Variants in MED12L observed in about 807,000 individuals in gnomAD.
MED12L encodes mediator of RNA polymerase II transcription subunit 12-like protein.
MED12L carries 60 observed loss-of-function variants against 281.3 expected under a neutral mutation model. That is an observed-to-expected ratio of 0.21 (90% confidence interval 0.17 to 0.26). MED12L has a LOEUF of 0.26. MED12L is among the 10% of genes least tolerant of loss of function. The probability of loss-of-function intolerance (pLI) is 1.00; values close to 1 mark genes in which losing one functional copy is unlikely to be tolerated. For missense variants in MED12L, 2,146 were observed against 2,680.9 expected (o/e 0.80, Z 4.41); for synonymous variants, 974 against 987.2 (o/e 0.99, Z 0.25).
intron 5 of MED12L, among the ~76,000 whole-genome samples, chr3:151,148,321 G>A (rs1718005105): frequency 6.6e-6 from 1 of 152,152 alleles, no homozygotes; most frequent in African/African-American, 2.4e-5. Flanking sequence ...TGTTAATTGT[G>A]TCTTTGATCA....
chr3:151,200,022 G>A (rs1002826513), intron 16 of MED12L, among the ~76,000 whole-genome samples: 3 of 152,126 alleles, frequency 2.0e-5, no homozygotes, highest in African/African-American at 7.2e-5. Context: ...GAACATGGAT[G>A]TATGTTCATT....
intron 42 of MED12L, among the ~76,000 whole-genome samples, chr3:151,414,405 C>T (rs1577595459): frequency 6.6e-6 from 1 of 152,196 alleles, no homozygotes; most frequent in Admixed American, 6.5e-5. Flanking sequence ...GGGCTGTACT[C>T]TCAACTCGGT....
At chr3:151,351,289 C>T (rs564449575) in intron 17 of MED12L, among the ~76,000 whole-genome samples, 286 of 152,302 alleles carry the variant, frequency 1.9e-3, no homozygotes, top group African/African-American at 6.3e-3. Flanking sequence ...GTACAAGAGG[C>T]AGTGTGTTTC....
intron 16 of MED12L, among the ~76,000 whole-genome samples, chr3:151,239,722 T>C (rs1036094947): frequency 2.0e-5 from 3 of 152,208 alleles, no homozygotes; most frequent in African/African-American, 7.2e-5. Context: ...TTGAGAATTC[T>C]TGGCTAAAAT....
Position 151,119,818 on chromosome 3 carries a change from T to C in MED12L, c.205-2965T>C, listed in dbSNP as rs372282234. Among the ~76,000 whole-genome samples the C allele has an allele frequency of 1.6e-3, 245 of 152,326 alleles. 1 individual carries two copies. Among genetic ancestry groups the C allele is most frequent in the African/African-American group, 5.3e-3 (221 of 41,570 alleles). ...TGAGGGGAATTTGATTTTATAAATA[T>C]GAAATACATGAATTATAATGTAACT... On this transcript the variant is annotated intron_variant, in intron 3 of 44. Transcript: ENST00000687756.
chr3:151,188,141 T>G, intron 12 of MED12L: 1 of 341,346 alleles, frequency 2.9e-6, no homozygotes, highest in Non-Finnish European at 5.3e-6. Context: ...TCTCGTCTGA[T>G]CTCGGAAGCT....
chr3:151,191,697 G>A (rs1217721660), intron 14 of MED12L, among the ~76,000 whole-genome samples: 4 of 152,134 alleles, frequency 2.6e-5, no homozygotes, highest in Non-Finnish European at 5.9e-5. Context: ...ACCCGAAGTT[G>A]GGAGTTTGAG....
intron 21 of MED12L, among the ~76,000 whole-genome samples, chr3:151,364,173 A>G (rs1398785963): frequency 6.6e-6 from 1 of 152,174 alleles, no homozygotes; most frequent in African/African-American, 2.4e-5. Context: ...AAGTTTATAT[A>G]GAATCTGAGA....
chr3:151,117,965 C>A (rs1713103972), intron 3 of MED12L, among the ~76,000 whole-genome samples: 1 of 151,648 alleles, frequency 6.6e-6, no homozygotes. Context: ...GTGGTGGGCG[C>A]CTGTAATCCC....
intron 16 of MED12L, among the ~76,000 whole-genome samples, chr3:151,196,965 A>G (rs1486501770): frequency 6.6e-6 from 1 of 152,160 alleles, no homozygotes; most frequent in African/African-American, 2.4e-5. Flanking sequence ...AGCGGTTTTT[A>G]TATGGGCTTA....
At chr3:151,272,972 T>A (rs918736713) in intron 16 of MED12L, among the ~76,000 whole-genome samples, 1 of 152,190 alleles carries the variant, frequency 6.6e-6, no homozygotes, top group East Asian at 1.9e-4. Flanking sequence ...CCGAAACTTT[T>A]TGAGGGCTGA....
chr3:151,258,504 A>G (rs1738249227), intron 16 of MED12L, among the ~76,000 whole-genome samples: 1 of 152,116 alleles, frequency 6.6e-6, no homozygotes, highest in Admixed American at 6.5e-5. Flanking sequence ...AACAATGAGA[A>G]TTTTCACATT....
intron 43 of MED12L, among the ~76,000 whole-genome samples, chr3:151,420,016 C>T (rs1260456654): frequency 6.6e-6 from 1 of 152,154 alleles, no homozygotes; most frequent in African/African-American, 2.4e-5. Flanking sequence ...TTCTGTATTC[C>T]CTTCACCTTC....
In MED12L at chr3:151,434,376, GCA is replaced by G. The variant is rs1215369394; in HGVS notation, c.*1573_*1574del. 1 of 152,108 alleles carries G rather than the reference GCA, an allele frequency of 6.6e-6. No individual in the cohort carries two copies. Among genetic ancestry groups the G allele is most frequent in the Non-Finnish European group, 1.5e-5 (1 of 68,030 alleles). The allele number at this position is 152,108 out of a possible 1,614,324, so 9.4% of individuals were successfully genotyped here. A position where few individuals can be genotyped will look rare whatever the true frequency, so the allele number is the denominator to read the frequency against. On this transcript the variant is annotated 3_prime_UTR_variant, in exon 45 of 45. Transcript: ENST00000687756. ...ATACATGTCAGCTTACTTTGCTGTG[GCA>G]ACATCCATGTGAACTGCTTTGTACA...
chr3:151,357,150 A>T (rs1754034460), intron 19 of MED12L, 63 bp from the exon 20 acceptor site: 1 of 1,378,116 alleles, frequency 7.3e-7, no homozygotes, highest in East Asian at 2.4e-5. Context: ...GTTTATAAAA[A>T]TAAATGTTTT....
At chr3:151,328,213 A>C in intron 16 of MED12L, 1 of 1,613,266 alleles carries the variant, frequency 6.2e-7, no homozygotes, top group Non-Finnish European at 8.5e-7. Flanking sequence ...TGTTGGTTTG[A>C]CTGTGAGTAT....
At chr3:151,145,120 A>G (rs543317356) in intron 5 of MED12L, among the ~76,000 whole-genome samples, 25 of 152,210 alleles carry the variant, frequency 1.6e-4, no homozygotes, top group Non-Finnish European at 3.2e-4. Flanking sequence ...ACAGGCAAGT[A>G]ACTGAAGCAC....
chr3:151,319,421 C>T (rs1174038272), intron 16 of MED12L, among the ~76,000 whole-genome samples: 1 of 151,186 alleles, frequency 6.6e-6, no homozygotes, highest in Non-Finnish European at 1.5e-5. Flanking sequence ...ATTACAAACC[C>T]CAAATTTATT....
chr3:151,123,723 A>C (rs1714100885), intron 4 of MED12L, among the ~76,000 whole-genome samples: 1 of 152,162 alleles, frequency 6.6e-6, no homozygotes, highest in Admixed American at 6.5e-5. Flanking sequence ...TAGTGTTAGG[A>C]GTGCCTGTCT....
Sources: allele counts gnomAD v4.1 joint callset (sites outside exome capture counted in the v4.1 genomes callset), GRCh38; gene constraint gnomAD v4.1.1; transcripts MANE v1.5; gene names NCBI Gene and HGNC (gene_info 2026-07-23, HGNC 2026-07-21).